The following SHB variants were observed in gnomAD, a reference collection of about 807,000 sequenced individuals.
The protein encoded by SHB is SH2 domain-containing adapter protein B.
Under a neutral mutation model 52.3 loss-of-function variants are expected in SHB, and 20 were observed. That is an observed-to-expected ratio of 0.38 (90% CI 0.27 to 0.56). The LOEUF (loss-of-function observed/expected upper bound fraction) is 0.56. Ranked by LOEUF, SHB falls within the 20% of genes least tolerant of loss-of-function variation. The probability of loss-of-function intolerance (pLI) is 0.71; values close to 1 mark genes in which losing one functional copy is unlikely to be tolerated. For synonymous variants in SHB, 397 were observed against 316.5 expected (o/e 1.25, Z -2.70); for missense variants, 825 against 723.3 (o/e 1.14, Z -1.61).
intron 2 of SHB, among the ~76,000 whole-genome samples, chr9:38,013,053 T>TAC (rs1346063315): frequency 6.6e-6 from 1 of 151,852 alleles, no homozygotes; most frequent in Non-Finnish European, 1.5e-5. Flanking sequence ...CACAAAGAAT[T>TAC]ACACACAAAT....
At chr9:38,017,633 C>A (rs1300665786) in intron 1 of SHB, among the ~76,000 whole-genome samples, 1 of 152,220 alleles carries the variant, frequency 6.6e-6, no homozygotes, top group Non-Finnish European at 1.5e-5. Flanking sequence ...GACCGAAGCC[C>A]AGAGTGCCCA....
intron 5 of SHB, among the ~76,000 whole-genome samples, chr9:37,924,568 T>C (rs1334799627): frequency 2.0e-5 from 3 of 152,154 alleles, no homozygotes; most frequent in Admixed American, 6.5e-5. Flanking sequence ...TGGTTTACCT[T>C]AGCTTGAAAG....
intron 2 of SHB, among the ~76,000 whole-genome samples, chr9:38,005,213 T>C (rs1347012408): frequency 1.3e-5 from 2 of 152,210 alleles, no homozygotes; most frequent in Admixed American, 6.5e-5. Context: ...AGTTGAGGCT[T>C]GGGCTTGGGA....
chr9:38,065,939 C>T (rs1226464735), intron 1 of SHB, among the ~76,000 whole-genome samples: 1 of 152,110 alleles, frequency 6.6e-6, no homozygotes, highest in Non-Finnish European at 1.5e-5. Context: ...CTCCAAGGTG[C>T]ACTCCTCGAT....
intron 3 of SHB, among the ~76,000 whole-genome samples, chr9:37,964,107 GT>G (rs1324924874): frequency 6.6e-6 from 1 of 152,204 alleles, no homozygotes; most frequent in Non-Finnish European, 1.5e-5. Flanking sequence ...CTTAGCAAAT[GT>G]TTGATTTGTA....
intron 5 of SHB, among the ~76,000 whole-genome samples, chr9:37,938,514 A>G (rs1053392602): frequency 2.0e-5 from 3 of 152,242 alleles, no homozygotes; most frequent in Non-Finnish European, 4.4e-5. Flanking sequence ...TCTCATTTGG[A>G]GAGACCACCC....
At position 37,916,721 on chromosome 9, in the gene SHB, TC is replaced by T. The variant is rs1832104076; in HGVS notation, c.*3099del. On this transcript the variant is annotated 3_prime_UTR_variant, in exon 6 of 6. Transcript: ENST00000377707. ...AGAGGGTGTCAGCCTGGGCCATTCT[TC>T]TGACTTCAGGACGGGACTGGCAGGC... is the stretch of plus-strand genomic sequence containing the variant. Among the ~76,000 whole-genome samples the T allele has an allele frequency of 6.6e-6, 1 of 152,188 alleles. No individual in the cohort carries two copies. Among genetic ancestry groups the T allele is most frequent in the Admixed American group, 6.5e-5 (1 of 15,288 alleles).
Position 38,068,084 on chromosome 9 carries a change from CT to C in SHB, c.561del (p.Val188TrpfsTer53). 1 of 1,496,310 alleles carries C rather than the reference CT, an allele frequency of 6.7e-7. No individual in the cohort carries two copies. Among genetic ancestry groups the C allele is most frequent in the Non-Finnish European group, 8.8e-7 (1 of 1,133,870 alleles). 92.7% of individuals were successfully genotyped at this position (1,496,310 alleles called of 1,614,324 possible). On this transcript the variant is annotated frameshift_variant, in exon 1 of 6. Transcript: ENST00000377707. LOFTEE classifies it high-confidence loss of function. ...GCCCCACCGCCCGCGGCGCTCTCCA[CT>C]TTGATGAGGCGGTGCTTGGGGGAGA... ...RYISPKHRLIKVESAAGGGAG... is the reference protein window; with the variant it reads ...RYISPKHRLIXVESAAGGGAG...
At chr9:38,039,476 C>T (rs1326140669) in intron 1 of SHB, among the ~76,000 whole-genome samples, 1 of 152,270 alleles carries the variant, frequency 6.6e-6, no homozygotes, top group African/African-American at 2.4e-5. Flanking sequence ...GGGCCAAGCA[C>T]ACCCATCCCA....
chr9:38,024,149 C>T (rs1821313511), intron 1 of SHB, among the ~76,000 whole-genome samples: 1 of 152,204 alleles, frequency 6.6e-6, no homozygotes, highest in South Asian at 2.1e-4. Context: ...TCATGAAGGC[C>T]CCTGCCAAGT....
chr9:37,937,782 A>T (rs1384629563), intron 5 of SHB, among the ~76,000 whole-genome samples: 1 of 152,244 alleles, frequency 6.6e-6, no homozygotes, highest in African/African-American at 2.4e-5. Context: ...AAGAATATAC[A>T]GTGCTTACGG....
chr9:37,988,611 C>T (rs1057273233), intron 2 of SHB, among the ~76,000 whole-genome samples: 1 of 152,214 alleles, frequency 6.6e-6, no homozygotes, highest in African/African-American at 2.4e-5. Flanking sequence ...CTTCCATACA[C>T]AAAGCTGTGC....
intron 1 of SHB, among the ~76,000 whole-genome samples, chr9:38,018,904 A>C (rs1821249736): frequency 6.6e-6 from 1 of 152,196 alleles, no homozygotes; most frequent in Admixed American, 6.5e-5. Flanking sequence ...AAGAAAGAGA[A>C]TGAGTTTTCT....
intron 3 of SHB, among the ~76,000 whole-genome samples, chr9:37,964,590 A>G (rs1315625129): frequency 1.3e-5 from 2 of 152,158 alleles, no homozygotes; most frequent in Admixed American, 6.5e-5. Flanking sequence ...TGGGAAATGG[A>G]GGGCTGGAAA....
intron 1 of SHB, among the ~76,000 whole-genome samples, chr9:38,067,528 C>T (rs746447024): frequency 5.3e-5 from 8 of 152,104 alleles, no homozygotes; most frequent in Non-Finnish European, 1.0e-4. Context: ...TTGCTCTGGA[C>T]CTCAGTTTCC....
chr9:37,950,613 T>C (rs1220108204), intron 4 of SHB, among the ~76,000 whole-genome samples: 2 of 151,634 alleles, frequency 1.3e-5, no homozygotes, highest in Non-Finnish European at 2.9e-5. Context: ...GTGGTTGGAG[T>C]GTGCTTTGTC....
intron 2 of SHB, among the ~76,000 whole-genome samples, chr9:38,003,371 C>T (rs891485682): frequency 3.9e-5 from 6 of 151,996 alleles, no homozygotes; most frequent in South Asian, 2.1e-4. Flanking sequence ...TCGCTGCAAC[C>T]GCTTCCACCA....
Position 38,069,058 on chromosome 9 carries a change from T to C in SHB, c.-413A>G, listed in dbSNP as rs1466901520. On this transcript the variant is annotated 5_prime_UTR_variant, in exon 1 of 6. Coordinates refer to ENST00000377707, the MANE Select transcript of SHB (RefSeq NM_003028.3). Reference sequence around the variant, plus strand: ...GGGATCCGCGGCTGCCGCGGGAACTTCTCGGCGTCCTCGGCTCCCTTCTTC... The same window carrying C: ...GGGATCCGCGGCTGCCGCGGGAACTCCTCGGCGTCCTCGGCTCCCTTCTTC... The C allele has an allele frequency of 6.6e-6, 1 of 151,304 alleles. No individual in the cohort carries two copies. Among genetic ancestry groups the C allele is most frequent in the Admixed American group, 6.6e-5 (1 of 15,240 alleles). 9.4% of individuals were successfully genotyped at this position (151,304 alleles called of 1,614,324 possible).
At chr9:37,992,618 C>T (rs1264809172) in intron 2 of SHB, among the ~76,000 whole-genome samples, 1 of 152,158 alleles carries the variant, frequency 6.6e-6, no homozygotes, top group Non-Finnish European at 1.5e-5. Context: ...CTGCCCCGTA[C>T]TTTATCCCAT....
Sources: gnomAD v4.1 joint callset for allele counts (sites outside exome capture counted in the v4.1 genomes callset) on GRCh38, gnomAD v4.1.1 for gene constraint, MANE v1.5 for transcripts, NCBI Gene and HGNC (gene_info 2026-07-23, HGNC 2026-07-21) for gene names.